KLRG1: variants seen among roughly 807,000 people sequenced by gnomAD.
KLRG1 encodes the protein killer cell lectin-like receptor subfamily G member 1.
Under a neutral mutation model 21.8 loss-of-function variants are expected in KLRG1, and 16 were observed. That is an observed-to-expected ratio of 0.73 (90% CI 0.50 to 1.11). The LOEUF (loss-of-function observed/expected upper bound fraction) is 1.11. Ranked by LOEUF, KLRG1 falls within the 50% of genes most tolerant of loss-of-function variation. The probability of loss-of-function intolerance (pLI) is 0.00; values close to 1 mark genes in which losing one functional copy is unlikely to be tolerated. For missense variants in KLRG1, 173 were observed against 218.3 expected (o/e 0.79, Z 1.31); for synonymous variants, 69 against 75.9 (o/e 0.91, Z 0.47).
the KLRG1 span, among the ~76,000 whole-genome samples, chr12:9,056,049 G>A: frequency 0.01 from 1,541 of 152,290 alleles, 24 homozygotes; most frequent in African/African-American, 0.035. Context: ...TATTTAGGAG[G>A]ACTGCTTTTG....
chr12:9,090,316 T>G, the KLRG1 span: 2 of 1,613,534 alleles, frequency 1.2e-6, no homozygotes, highest in South Asian at 2.2e-5. Flanking sequence ...CCATATACAA[T>G]CTTTGAGTAG....
At chr12:9,160,566 T>C in the KLRG1 span, 38 of 1,307,014 alleles carry the variant, frequency 2.9e-5, 1 homozygote, top group Non-Finnish European at 3.9e-5. Context: ...AAAATGGCCT[T>C]TATATTCAGA....
chr12:9,211,456 T>G, the KLRG1 span, among the ~76,000 whole-genome samples: 5 of 152,212 alleles, frequency 3.3e-5, no homozygotes, highest in Non-Finnish European at 7.3e-5. Context: ...ATGGTTTCTA[T>G]TTCTTTATTA....
the KLRG1 span, chr12:9,160,512 A>G: frequency 6.2e-7 from 1 of 1,600,488 alleles, no homozygotes; most frequent in East Asian, 2.2e-5. Context: ...GAAAGATTAG[A>G]TGTCAGAATA....
At chr12:9,192,772 G>T in the KLRG1 span, 1 of 1,450,762 alleles carries the variant, frequency 6.9e-7, no homozygotes, top group Non-Finnish European at 9.6e-7. Context: ...AAAGAATACT[G>T]TCTTGAAATT....
chr12:9,131,114 G>A, the KLRG1 span, among the ~76,000 whole-genome samples: 4 of 152,034 alleles, frequency 2.6e-5, no homozygotes, highest in Non-Finnish European at 4.4e-5. Flanking sequence ...CTTATTTCTC[G>A]GCTCTTTATT....
the KLRG1 span, among the ~76,000 whole-genome samples, chr12:9,208,746 C>T: frequency 6.6e-6 from 1 of 152,120 alleles, no homozygotes; most frequent in African/African-American, 2.4e-5. Context: ...ATTGCAGATT[C>T]ATTTCTGGGA....
chr12:9,109,175 G>C, the KLRG1 span: 2 of 613,462 alleles, frequency 3.3e-6, no homozygotes, highest in Non-Finnish European at 5.8e-6. Context: ...AGCAACAGGA[G>C]AATAACATTC....
intron 3 of KLRG1, among the ~76,000 whole-genome samples, chr12:9,008,517 C>T (rs11048445): frequency 6.6e-6 from 1 of 152,218 alleles, no homozygotes; most frequent in Non-Finnish European, 1.5e-5. Flanking sequence ...ATACCATAGA[C>T]TGGATCGCTT....
the KLRG1 span, among the ~76,000 whole-genome samples, chr12:9,047,358 G>C: frequency 6.6e-6 from 1 of 152,186 alleles, no homozygotes; most frequent in Non-Finnish European, 1.5e-5. Context: ...TTTGAAAACA[G>C]ACTTAGATTA....
At chr12:8,961,116 G>A (rs983075626) in intron 1 of KLRG1, among the ~76,000 whole-genome samples, 1 of 152,190 alleles carries the variant, frequency 6.6e-6, no homozygotes, top group Non-Finnish European at 1.5e-5. Context: ...TGGTTGCACA[G>A]CATCCATCTG....
intron 1 of KLRG1, among the ~76,000 whole-genome samples, chr12:8,975,977 T>C (rs891715951): frequency 6.6e-6 from 1 of 152,152 alleles, no homozygotes; most frequent in Non-Finnish European, 1.5e-5. Flanking sequence ...TTATTTTTGC[T>C]CTAATCTTTA....
the KLRG1 span, among the ~76,000 whole-genome samples, chr12:9,057,163 G>A: frequency 4.6e-5 from 7 of 152,188 alleles, no homozygotes; most frequent in Non-Finnish European, 7.3e-5. Context: ...AAAACAAGAT[G>A]TACAAGGGTT....
the KLRG1 span, among the ~76,000 whole-genome samples, chr12:9,103,776 G>C: frequency 6.6e-6 from 1 of 152,124 alleles, no homozygotes; most frequent in African/African-American, 2.4e-5. Context: ...ATATTCTGTT[G>C]TATTTATATA....
the KLRG1 span, among the ~76,000 whole-genome samples, chr12:9,122,069 T>C: frequency 6.6e-6 from 1 of 152,238 alleles, no homozygotes; most frequent in Admixed American, 6.5e-5. Flanking sequence ...ACTTTCTTTT[T>C]GTTTATACTG....
the KLRG1 span, chr12:9,106,231 T>G: frequency 6.3e-7 from 1 of 1,580,424 alleles, no homozygotes; most frequent in Non-Finnish European, 8.7e-7. Flanking sequence ...TGGAAAATAC[T>G]CCACCTGCCC....
At chr12:9,058,067 A>G in the KLRG1 span, 128 of 152,336 alleles carry the variant, frequency 8.4e-4, 1 homozygote, top group African/African-American at 3.0e-3. Context: ...TATCTATATT[A>G]ATATTAATAT....
the KLRG1 span, chr12:9,037,256 A>G: frequency 6.5e-6 from 1 of 154,900 alleles, no homozygotes; most frequent in Non-Finnish European, 1.5e-5. Flanking sequence ...GCTGAAAGAA[A>G]TGGCAATGGA....
chr12:9,048,294 G>C, the KLRG1 span, among the ~76,000 whole-genome samples: 3 of 152,050 alleles, frequency 2.0e-5, no homozygotes, highest in African/African-American at 7.2e-5. Context: ...AGTCTTACGA[G>C]AAATTTAAAA....
Sources: gnomAD v4.1 joint callset for allele counts (sites outside exome capture counted in the v4.1 genomes callset) on GRCh38, gnomAD v4.1.1 for gene constraint, MANE v1.5 for transcripts, NCBI Gene and HGNC (gene_info 2026-07-23, HGNC 2026-07-21) for gene names.